Variants in SLC27A1 observed in about 807,000 individuals in gnomAD.
SLC27A1 encodes solute carrier family 27 member 1.
In SLC27A1, 61 loss-of-function variants were observed where a neutral mutation model predicts 62.2. That is an observed-to-expected ratio of 0.98 (90% CI 0.80 to 1.21). The LOEUF is 1.21. Among genes scored for constraint, SLC27A1 ranks in the 50% most tolerant of loss-of-function variants. The pLI is 0.00. For missense variants in SLC27A1, 903 were observed against 932.1 expected, an observed-to-expected ratio of 0.97 and a Z score of 0.41; for synonymous variants, 435 against 408.6, an observed-to-expected ratio of 1.06 and a Z score of -0.78.
intron 6 of SLC27A1, chr19:17,495,605 A>G (rs755758999): frequency 3.3e-5 from 5 of 152,306 alleles, no homozygotes; most frequent in Non-Finnish European, 5.9e-5. Flanking sequence ...AGCCAGTCAT[A>G]TTGGCTGAGG....
Position 17,501,434 on chromosome 19 carries a change from C to G in SLC27A1, c.1783+15C>G, listed in dbSNP as rs746012452. 4.4e-6 allele frequency: 7 copies of G among 1,607,884 alleles called. No homozygotes were observed. Among genetic ancestry groups the G allele is most frequent in the South Asian group, 2.2e-5 (2 of 90,622 alleles). On this transcript the variant is annotated intron_variant, in intron 11 of 11. Coordinates refer to ENST00000252595, the MANE Select transcript of SLC27A1 (RefSeq NM_198580.3). ...GGACACCACAGGTGCGAGTCTCCCC[C>G]ACTCCAATCTCTCTCTTCATCCATC...
At position 17,486,947 on chromosome 19, in the gene SLC27A1, A is replaced by T; in HGVS notation, c.552A>T (p.Glu184Asp). The change falls in exon 2 of 12, where the codon GAA becomes GAT. Residue 184 changes from glutamate to aspartate, a missense_variant. Glu to Asp is a conservative substitution (Grantham distance 45). Transcript: ENST00000252595. The surrounding 1 kb of genome is among the most constrained non-coding windows in gnomAD (Gnocchi z 6.6). ...SGAKALIFGG[E>D]MVAAVAEVSG... ...CTAAGGCCCTGATCTTTGGAGGAGA[A>T]ATGGTGGCGGGTGAGGCCAGGCGTG... is the stretch of plus-strand genomic sequence containing the variant. 6.3e-7 allele frequency: 1 copy of T among 1,577,710 alleles called. No individual in the cohort carries two copies. The highest frequency in any genetic ancestry group is 8.6e-7 in the Non-Finnish European group (1 of 1,169,072).
At chr19:17,470,304 C>T (rs1026566638), upstream of SLC27A1, 6 of 493,288 alleles carry the variant, frequency 1.2e-5, no homozygotes, top group African/African-American at 1.0e-4. Context: ...GGTCTGGTTC[C>T]TAGTTAGCGG....
At position 17,488,850 on chromosome 19, in the gene SLC27A1, A is replaced by C. The variant is rs368884002; in HGVS notation, c.797A>C (p.Tyr266Ser). 1 of 1,613,244 alleles carries C rather than the reference A, an allele frequency of 6.2e-7. No homozygotes were observed. Among genetic ancestry groups the C allele is most frequent in the Non-Finnish European group, 8.5e-7 (1 of 1,179,872 alleles). ...PKAAIVVHSR[Y>S]YRMAAFGHHA... is the part of the protein sequence containing the mutation. ...CCCGGCTCCCCCTCCCCCTGCAGGT[A>C]CTACCGCATGGCAGCCTTCGGCCAC... Residue 266 changes from tyrosine (Y) to serine (S), a missense_variant and splice_region_variant, in exon 5 of 12, where the codon TAC becomes TCC. By Grantham distance (144) the Tyr-to-Ser change is moderately radical. Transcript: ENST00000252595.
chr19:17,486,605 G>T lies in SLC27A1; in HGVS notation c.210G>T (p.Arg70=). The T allele has an allele frequency of 6.3e-7, 1 of 1,594,046 alleles. No homozygotes were observed. ...TCCGCGTGCGCCTGGAGCTGCGGCG[G>T]CACCAGCGTGCCGGCCACACCATCC... The part of the protein sequence containing the change: ...VLIRVRLELR[R]HQRAGHTIPR... Residue 70 remains arginine, a synonymous_variant, in exon 2 of 12, where the codon CGG becomes CGT. Transcript: ENST00000252595. The surrounding 1 kb of genome is among the most constrained non-coding windows in gnomAD (Gnocchi z 6.6).
chr19:17,492,811 G>A (rs928631458), intron 6 of SLC27A1, among the ~76,000 whole-genome samples: 2 of 151,864 alleles, frequency 1.3e-5, no homozygotes, highest in Non-Finnish European at 1.5e-5. Context: ...GGTGGCACAT[G>A]CCTGTAATCC....
chr19:17,476,903 T>A (rs111946881), intron 1 of SLC27A1, among the ~76,000 whole-genome samples: 78,486 of 147,390 alleles, frequency 0.53, 21,781 homozygotes, highest in African/African-American at 0.64. Flanking sequence ...TTTTTTTTTT[T>A]TTTGAGACAT....
At chr19:17,504,313 A>G (rs2075451073) in intron 11 of SLC27A1, 142 bp from the exon 12 acceptor site, 5 of 1,037,028 alleles carry the variant, frequency 4.8e-6, no homozygotes, top group Non-Finnish European at 7.1e-6. Flanking sequence ...ACAAGGGGGA[A>G]TCAGGCAGGC....
Position 17,487,841 on chromosome 19 carries a change from C to T in SLC27A1, c.794+312C>T, listed in dbSNP as rs113551592. Among the ~76,000 whole-genome samples, 5 of 152,072 alleles carry T rather than the reference C, an allele frequency of 3.3e-5. 1 individual carries two copies. Among genetic ancestry groups the T allele is most frequent in the African/African-American group, 1.2e-4 (5 of 41,470 alleles). On this transcript the variant is annotated intron_variant, in intron 4 of 11. Coordinates refer to ENST00000252595, the MANE Select transcript of SLC27A1 (RefSeq NM_198580.3). ...CTCTCATCCCCCCACCTGTTCACCACATCCATCCCACCAGCAAAACCCGTC... is the reference window on the plus strand; with the variant it reads ...CTCTCATCCCCCCACCTGTTCACCATATCCATCCCACCAGCAAAACCCGTC...
In SLC27A1 at chr19:17,477,240, C is replaced by CTTTTTTTTTTTTTT. The variant is rs1221324202; in HGVS notation, c.167+6544_167+6557dup. ...TTATTGGTTGAATGGATGAGCAGCG[C>CTTTTTTTTTTTTTT]TTTTTTTTTTTTTTTTTTTTTTTTG... On this transcript the variant is annotated intron_variant, in intron 1 of 11. Coordinates refer to ENST00000252595, the MANE Select transcript of SLC27A1 (RefSeq NM_198580.3). Among the ~76,000 whole-genome samples, 254 of 43,814 alleles carry CTTTTTTTTTTTTTT rather than the reference C, an allele frequency of 5.8e-3. 58 individuals are homozygous for CTTTTTTTTTTTTTT. The highest frequency in any genetic ancestry group is 8.1e-3 in the Non-Finnish European group (201 of 24,864). The allele number at this position is 43,814 out of a possible 152,430, so 28.7% of individuals were successfully genotyped here.
intron 7 of SLC27A1, chr19:17,498,684 G>C: frequency 4.2e-6 from 1 of 239,020 alleles, no homozygotes; most frequent in Non-Finnish European, 7.9e-6. Flanking sequence ...CCAAGAGGCG[G>C]AGACCGGTAG....
intron 11 of SLC27A1, among the ~76,000 whole-genome samples, chr19:17,502,477 G>C (rs1324094509): frequency 6.8e-6 from 1 of 147,316 alleles, no homozygotes; most frequent in African/African-American, 2.5e-5. Flanking sequence ...TCAGCCTCCT[G>C]AATAGCTGGG....
At chr19:17,469,703 G>A (rs1301884589), upstream of SLC27A1, among the ~76,000 whole-genome samples, 1 of 152,164 alleles carries the variant, frequency 6.6e-6, no homozygotes, top group African/African-American at 2.4e-5. Flanking sequence ...GTAGACAGGA[G>A]GGAAGAGGGG....
chr19:17,476,692 T>C (rs2075125942), intron 1 of SLC27A1, among the ~76,000 whole-genome samples: 1 of 152,078 alleles, frequency 6.6e-6, no homozygotes, highest in African/African-American at 2.4e-5. Flanking sequence ...GGGAGGAGGC[T>C]TTGTTTCTGG....
At chr19:17,499,136 T>TC in intron 7 of SLC27A1, 1 of 209,330 alleles carries the variant, frequency 4.8e-6, no homozygotes, top group Non-Finnish European at 9.6e-6. Context: ...AGACTCCCTT[T>TC]CCCGGTCCAC....
rs1470545520 is a variant in SLC27A1, at chr19:17,502,354, T to G, written c.1783+935T>G. Among the ~76,000 whole-genome samples, 161 of 112,566 alleles carry G rather than the reference T, an allele frequency of 1.4e-3. 2 individuals carry two copies. Among genetic ancestry groups the G allele is most frequent in the South Asian group, 2.7e-3 (8 of 2,976 alleles). The allele number at this position is 112,566 out of a possible 152,430, so 73.8% of individuals were successfully genotyped here. ...AATAGTGTTTTTTTTGTTTTTTTTT[T>G]TTTTTTTTTTTTTTTGAGATGGAGT... On this transcript the variant is annotated intron_variant, in intron 11 of 11. Coordinates refer to ENST00000252595, the MANE Select transcript of SLC27A1 (RefSeq NM_198580.3).
intron 1 of SLC27A1, among the ~76,000 whole-genome samples, chr19:17,475,968 C>T (rs2075117834): frequency 6.6e-6 from 1 of 152,018 alleles, no homozygotes; most frequent in Non-Finnish European, 1.5e-5. Context: ...ACGAGTGAGA[C>T]CAAGAGACCG....
Position 17,489,112 on chromosome 19 carries a change from T to G in SLC27A1, c.991T>G (p.Cys331Gly). The G allele has an allele frequency of 6.2e-7, 1 of 1,614,004 alleles. No individual in the cohort carries two copies. The highest frequency in any genetic ancestry group is 8.5e-7 in the Non-Finnish European group (1 of 1,179,938). ...CTGGGACGACTGCATCAAGTACAAC[T>G]GCACGGTCAGGCCCTGCCCTGTTCT... is the stretch of plus-strand genomic sequence containing the variant. Reference protein sequence around the residue: ...RFWDDCIKYNCTVVQYIGEIC... With the variant: ...RFWDDCIKYNGTVVQYIGEIC... Residue 331 changes from cysteine to glycine, a missense_variant, in exon 6 of 12, where the codon TGC (cysteine) becomes GGC (glycine). By Grantham distance (159) the Cys-to-Gly change is radical. Transcript: ENST00000252595.
At chr19:17,495,639 T>C (rs918005066) in intron 6 of SLC27A1, 5 of 152,244 alleles carry the variant, frequency 3.3e-5, no homozygotes, top group African/African-American at 7.2e-5. Context: ...ATTGGCCAGG[T>C]TCTCTCCTAG....
Sources: gnomAD v4.1 joint callset for allele counts (sites outside exome capture counted in the v4.1 genomes callset) on GRCh38, gnomAD v4.1.1 for gene constraint, Gnocchi (gnomAD v3.1) non-coding constraint, MANE v1.5 for transcripts, NCBI Gene and HGNC (gene_info 2026-07-23, HGNC 2026-07-21) for gene names.